The following ABCA8 variants were observed in gnomAD, a reference collection of about 807,000 sequenced individuals.
The protein encoded by ABCA8 is ABC-type organic anion transporter ABCA8.
In ABCA8, 177 loss-of-function variants were observed where a neutral mutation model predicts 192.3. The ratio of observed to expected loss-of-function variants is 0.92; its 90% CI spans 0.81 to 1.04. The LOEUF (loss-of-function observed/expected upper bound fraction) is 1.04. Ranked by LOEUF, ABCA8 falls within the 50% of genes least tolerant of loss-of-function variation. The probability of loss-of-function intolerance (pLI) is 0.00; values close to 1 mark genes in which losing one functional copy is unlikely to be tolerated. For synonymous variants in ABCA8, 642 were observed against 690.2 expected, an observed-to-expected ratio of 0.93 and a Z score of 1.09; for missense variants, 1,915 against 1,904.8, an observed-to-expected ratio of 1.01 and a Z score of -0.10.
At chr17:68,899,590 C>T (rs1032193851) in intron 21 of ABCA8, among the ~76,000 whole-genome samples, 33 of 152,084 alleles carry the variant, frequency 2.2e-4, no homozygotes, top group African/African-American at 7.2e-4. Context: ...AAGAGAGACT[C>T]GAAATACAAA....
chr17:68,879,087 G>C (rs1352430574), intron 32 of ABCA8: 2 of 152,136 alleles, frequency 1.3e-5, no homozygotes, highest in Non-Finnish European at 2.9e-5. Flanking sequence ...ATAAACCTGA[G>C]CTCTTTTTCT....
At chr17:68,922,336 T>C in intron 11 of ABCA8, 36 bp from the exon 12 acceptor site, 1 of 1,306,156 alleles carries the variant, frequency 7.7e-7, no homozygotes, top group Non-Finnish European at 1.0e-6. Flanking sequence ...AGTGACAATT[T>C]TCTTCAGTTT....
Position 68,876,709 on chromosome 17 carries a change from G to A in ABCA8, c.4200-6C>T. The A allele has an allele frequency of 6.2e-7, 1 of 1,614,130 alleles. No homozygotes were observed. Among genetic ancestry groups the A allele is most frequent in the Non-Finnish European group, 8.5e-7 (1 of 1,180,022 alleles). On this transcript the variant is annotated splice_region_variant and splice_polypyrimidine_tract_variant and intron_variant, in intron 33 of 39. Transcript: ENST00000586539. ...GCTTGAGCGCATCCACTAACCTGAA[G>A]GAAACAGGAGAGTCGTACAGTCTTC...
Position 68,918,349 on chromosome 17 carries a change from C to G in ABCA8, c.1908+78G>C, listed in dbSNP as rs992880958. 4.6e-6 allele frequency: 7 copies of G among 1,508,826 alleles called. No homozygotes were observed. The South Asian group carries it at 7.5e-5, about 16-fold the overall frequency. The allele number at this position is 1,508,826 out of a possible 1,614,324, so 93.5% of individuals were successfully genotyped here. ...AATATTTTATAACACATGTCCTTTG[C>G]GAATAAAATATTTGAACTATTACCA... On this transcript the variant is annotated intron_variant, in intron 15 of 39. Coordinates refer to ENST00000586539, the MANE Select transcript of ABCA8 (RefSeq NM_001288985.2).
intron 7 of ABCA8, chr17:68,931,636 G>T (rs2067880694): frequency 6.6e-6 from 1 of 151,656 alleles, no homozygotes; most frequent in Non-Finnish European, 1.5e-5. Context: ...TCCTATAGCA[G>T]TTCCTTCACA....
chr17:68,941,889 C>T (rs751623032), intron 3 of ABCA8, 50 bp downstream of exon 3: 1 of 1,343,578 alleles, frequency 7.4e-7, no homozygotes, highest in East Asian at 2.3e-5. Flanking sequence ...TCCCAGGCAA[C>T]ACGTATTTTC....
Position 68,887,447 on chromosome 17 carries a change from C to T in ABCA8, c.3204G>A (p.Gly1068=), listed in dbSNP as rs113739907. The T allele has an allele frequency of 4.3e-6, 7 of 1,613,670 alleles. No individual in the cohort carries two copies. The highest frequency in any genetic ancestry group is 1.7e-4 in the Middle Eastern group (1 of 6,058). ...ACAGGGAAACATCCACCAGCGCCTG[C>T]CCAAACCAGTAAGCAGAAGGGGAGA... is the stretch of plus-strand genomic sequence containing the variant. The part of the protein sequence containing the change: ...SGLSPSAYWF[G]QALVDVSLYF... The change falls in exon 25 of 40, where the codon GGG becomes GGA. Residue 1068 remains glycine (G), a synonymous_variant. Transcript: ENST00000586539.
intron 11 of ABCA8, among the ~76,000 whole-genome samples, chr17:68,924,313 T>A (rs1469328463): frequency 6.9e-6 from 1 of 144,800 alleles, no homozygotes; most frequent in Non-Finnish European, 1.5e-5. Flanking sequence ...ACCATTGCAC[T>A]CCAGCCTGGG....
intron 10 of ABCA8, among the ~76,000 whole-genome samples, chr17:68,926,959 GA>G (rs1171336353): frequency 6.6e-6 from 1 of 152,106 alleles, no homozygotes; most frequent in African/African-American, 2.4e-5. Flanking sequence ...AAAGGAGGGA[GA>G]AAAAAGTGAA....
chr17:68,898,555 T>A (rs2066826719), intron 21 of ABCA8, among the ~76,000 whole-genome samples: 1 of 152,172 alleles, frequency 6.6e-6, no homozygotes, highest in African/African-American at 2.4e-5. Context: ...TATGTACTTA[T>A]AATTGGTAGT....
At chr17:68,908,820 A>G (rs2067160494) in intron 17 of ABCA8, among the ~76,000 whole-genome samples, 1 of 152,232 alleles carries the variant, frequency 6.6e-6, no homozygotes, top group South Asian at 2.1e-4. Flanking sequence ...TATTTAACTT[A>G]TCTAAACAGT....
chr17:68,926,627 A>G (rs949997620), intron 10 of ABCA8, among the ~76,000 whole-genome samples: 5 of 152,264 alleles, frequency 3.3e-5, no homozygotes, highest in African/African-American at 1.2e-4. Flanking sequence ...GGAAAAAATC[A>G]AATGAAAACA....
Position 68,891,509 on chromosome 17 carries a change from T to C in ABCA8, c.3124A>G (p.Ser1042Gly). ...ATTACCTTATAATCATCGATGCTGCTCATGGCAATGTAAGGTGGGCAACTC... is the reference window on the plus strand; with the variant it reads ...ATTACCTTATAATCATCGATGCTGCCCATGGCAATGTAAGGTGGGCAACTC... ...TSSCPPYIAMSSIDDYKNRAR... is the reference protein window; with the variant it reads ...TSSCPPYIAMGSIDDYKNRAR... Residue 1042 changes from serine to glycine, a missense_variant, in exon 24 of 40, where the codon AGC (serine) becomes GGC (glycine). Transcript: ENST00000586539. The C allele has an allele frequency of 6.2e-7, 1 of 1,612,412 alleles. No individual in the cohort carries two copies. Among genetic ancestry groups the C allele is most frequent in the East Asian group, 2.2e-5 (1 of 44,784 alleles).
At chr17:68,919,237 T>C in intron 14 of ABCA8, 64 bp downstream of exon 14, 1 of 1,380,302 alleles carries the variant, frequency 7.2e-7, no homozygotes, top group Non-Finnish European at 9.9e-7. Flanking sequence ...AAATTAAAAC[T>C]CAGTGCAAAT....
At chr17:68,914,196 T>C (rs2067294782) in intron 17 of ABCA8, among the ~76,000 whole-genome samples, 1 of 152,088 alleles carries the variant, frequency 6.6e-6, no homozygotes, top group Non-Finnish European at 1.5e-5. Flanking sequence ...GATAGTATCA[T>C]ACTCAATGGG....
chr17:68,944,381 A>G (rs75333899), intron 2 of ABCA8: 1 of 121,498 alleles, frequency 8.2e-6, no homozygotes, highest in African/African-American at 3.1e-5. Flanking sequence ...TACATATGCA[A>G]ACAAGAGACC....
At chr17:68,891,323 C>G (rs192489380) in intron 24 of ABCA8, among the ~76,000 whole-genome samples, 166 bp downstream of exon 24, 2 of 151,800 alleles carry the variant, frequency 1.3e-5, no homozygotes, top group African/African-American at 4.8e-5. Flanking sequence ...ACCTATTTAT[C>G]TATATATTTC....
intron 5 of ABCA8, among the ~76,000 whole-genome samples, chr17:68,935,899 A>G (rs369375990): frequency 2.0e-4 from 31 of 152,230 alleles, no homozygotes; most frequent in African/African-American, 7.2e-4. Flanking sequence ...ACTAGGGTAA[A>G]ATGGTTATCT....
intron 21 of ABCA8, among the ~76,000 whole-genome samples, chr17:68,899,826 C>T (rs1477790428): frequency 6.6e-6 from 1 of 151,984 alleles, no homozygotes; most frequent in Non-Finnish European, 1.5e-5. Context: ...TTTTTGGAAA[C>T]TAAATAGTCT....
Sources: allele counts gnomAD v4.1 joint callset (sites outside exome capture counted in the v4.1 genomes callset), GRCh38; gene constraint gnomAD v4.1.1; transcripts MANE v1.5; gene names NCBI Gene and HGNC (gene_info 2026-07-23, HGNC 2026-07-21).